The following EP300 variants were observed in gnomAD, a reference collection of about 807,000 sequenced individuals.
EP300 encodes the protein histone acetyltransferase p300.
EP300 carries 31 observed loss-of-function variants against 264.0 expected under a neutral mutation model. The ratio of observed to expected loss-of-function variants is 0.12; its 90% confidence interval spans 0.09 to 0.16. The LOEUF is 0.16. Among genes scored for constraint, EP300 ranks in the 10% least tolerant of loss-of-function variants. The probability of loss-of-function intolerance (pLI) is 1.00; values close to 1 mark genes in which losing one functional copy is unlikely to be tolerated. For missense variants in EP300, 2,766 were observed against 3,052.9 expected, an observed-to-expected ratio of 0.91 and a Z score of 2.21; for synonymous variants, 1,340 against 1,045.4, an observed-to-expected ratio of 1.28 and a Z score of -5.44.
At chr22:41,110,726 C>T (rs763296848) in intron 1 of EP300, among the ~76,000 whole-genome samples, 5 of 151,456 alleles carry the variant, frequency 3.3e-5, no homozygotes, top group Admixed American at 6.6e-5. Flanking sequence ...TATTTTTTCA[C>T]ACTTCCAGTG....
intron 16 of EP300, among the ~76,000 whole-genome samples, chr22:41,154,726 C>G (rs773866753): frequency 1.6e-4 from 25 of 152,080 alleles, no homozygotes; most frequent in Non-Finnish European, 2.9e-4. Flanking sequence ...CCGAGTCTGT[C>G]TTCACTGACT....
chr22:41,146,943 G>T, intron 11 of EP300, 127 bp downstream of exon 11: 1 of 831,560 alleles, frequency 1.2e-6, no homozygotes, highest in South Asian at 1.4e-5. Context: ...TAGAGGAAGA[G>T]GGGGTGAAGA....
At chr22:41,152,115 G>A (rs1190941662) in intron 15 of EP300, 91 bp from the exon 16 acceptor site, 2 of 1,584,660 alleles carry the variant, frequency 1.3e-6, no homozygotes, top group Non-Finnish European at 1.7e-6. Context: ...TAGATCTCAT[G>A]GCATAGATTT....
At chr22:41,144,930 C>G (rs1569857) in intron 10 of EP300, among the ~76,000 whole-genome samples, 40,738 of 151,986 alleles carry the variant, frequency 0.27, 6,485 homozygotes, top group East Asian at 0.55. Flanking sequence ...GCAGACTTGA[C>G]CCCCTTTCTC....
Position 41,092,715 on chromosome 22 carries a change from C to A in EP300, c.-290C>A, listed in dbSNP as rs1042311894. 3.4e-5 allele frequency: 21 copies of A among 614,562 alleles called. No homozygotes were observed. Among genetic ancestry groups the A allele is most frequent in the African/African-American group, 3.7e-5 (2 of 53,814 alleles). The allele number at this position is 614,562 out of a possible 1,614,324, so 38.1% of individuals were successfully genotyped here. ...GACTGCGCCTCTAGAGCCGCGAGTT[C>A]TCGGGAATTCGCCGCAGCGGACGCG... On this transcript the variant is annotated 5_prime_UTR_variant, in exon 1 of 31. Transcript: ENST00000263253.
intron 10 of EP300, among the ~76,000 whole-genome samples, chr22:41,144,356 T>TTA (rs1302367155): frequency 7.9e-5 from 12 of 152,194 alleles, no homozygotes; most frequent in South Asian, 4.1e-4. Context: ...CTCTAAATAT[T>TTA]TATATATATA....
chr22:41,172,224 C>G (rs1264552024), intron 27 of EP300, among the ~76,000 whole-genome samples: 2 of 152,178 alleles, frequency 1.3e-5, no homozygotes, highest in Non-Finnish European at 2.9e-5. Flanking sequence ...GACGTTGATC[C>G]TGGCAGGATA....
chr22:41,143,854 C>T (rs1487078648), intron 10 of EP300, among the ~76,000 whole-genome samples: 2 of 152,210 alleles, frequency 1.3e-5, no homozygotes, highest in Non-Finnish European at 2.9e-5. Flanking sequence ...GCTGGGATTA[C>T]AGGCTTGAGC....
At position 41,092,834 on chromosome 22, in the gene EP300, C is replaced by T. The variant is rs1324469420; in HGVS notation, c.-171C>T. On this transcript the variant is annotated 5_prime_UTR_variant, in exon 1 of 31. Coordinates refer to ENST00000263253, the MANE Select transcript of EP300 (RefSeq NM_001429.4). ...TTACCTTTTCTATCGAGTCCGCATCCCTCTCCAGCCACTGCGACCCGGCGA... is the reference window on the plus strand; with the variant it reads ...TTACCTTTTCTATCGAGTCCGCATCTCTCTCCAGCCACTGCGACCCGGCGA... 1.3e-5 allele frequency: 10 copies of T among 751,856 alleles called. No homozygotes were observed. Among genetic ancestry groups the T allele is most frequent in the East Asian group, 2.6e-5 (1 of 39,180 alleles). 46.6% of individuals were successfully genotyped at this position (751,856 alleles called of 1,614,324 possible). A position where few individuals can be genotyped will look rare whatever the true frequency, so the allele number is the denominator to read the frequency against.
chr22:41,141,725 G>A (rs1289173181), intron 10 of EP300, among the ~76,000 whole-genome samples: 1 of 149,950 alleles, frequency 6.7e-6, no homozygotes, highest in Admixed American at 6.7e-5. Flanking sequence ...CACCCAGGCT[G>A]GAGTACGGTG....
At position 41,117,515 on chromosome 22, in the gene EP300, T is replaced by C. The variant is rs774152008; in HGVS notation, c.423T>C (p.Ser141=). Residue 141 remains serine, a synonymous_variant, in exon 2 of 31, where the codon AGT becomes AGC. Coordinates refer to ENST00000263253, the MANE Select transcript of EP300 (RefSeq NM_001429.4). ...CTCCCAACATGGGGATGGGCACTAG[T>C]GGACCAAATCAGGGTCCTACGCAGT... The part of the protein sequence containing the change: ...LTSPNMGMGT[S]GPNQGPTQST... 6.2e-7 allele frequency: 1 copy of C among 1,613,964 alleles called. No homozygotes were observed. Among genetic ancestry groups the C allele is most frequent in the Non-Finnish European group, 8.5e-7 (1 of 1,179,800 alleles).
In EP300 at chr22:41,092,715, C is replaced by T. The variant is rs1042311894; in HGVS notation, c.-290C>T. On this transcript the variant is annotated 5_prime_UTR_variant, in exon 1 of 31. Coordinates refer to ENST00000263253, the MANE Select transcript of EP300 (RefSeq NM_001429.4). The stretch of plus-strand genomic sequence containing the variant: ...GACTGCGCCTCTAGAGCCGCGAGTT[C>T]TCGGGAATTCGCCGCAGCGGACGCG... 1.8e-5 allele frequency: 11 copies of T among 614,562 alleles called. No individual in the cohort carries two copies. Among genetic ancestry groups the T allele is most frequent in the Admixed American group, 9.1e-5 (3 of 33,072 alleles). 38.1% of individuals were successfully genotyped at this position (614,562 alleles called of 1,614,324 possible).
rs368368055 is a variant in EP300, at chr22:41,177,123, G to A, written c.5412G>A (p.Pro1804=). Residue 1804 remains proline, a synonymous_variant, in exon 31 of 31, where the codon CCG becomes CCA. Coordinates refer to ENST00000263253, the MANE Select transcript of EP300 (RefSeq NM_001429.4). ...KHCQENKCPV[P]FCLNIKQKLR... Reference sequence around the variant, plus strand: ...GCCAGGAGAACAAATGCCCGGTGCCGTTCTGCCTAAACATCAAGCAGAAGC... The same window carrying A: ...GCCAGGAGAACAAATGCCCGGTGCCATTCTGCCTAAACATCAAGCAGAAGC... 3.7e-5 allele frequency: 60 copies of A among 1,613,948 alleles called. 1 individual carries two copies. The highest frequency in any genetic ancestry group is 2.9e-4 in the East Asian group (13 of 44,886).
intron 17 of EP300, 78 bp downstream of exon 17, chr22:41,155,191 C>G: frequency 1.9e-6 from 2 of 1,067,498 alleles, no homozygotes; most frequent in Non-Finnish European, 2.9e-6. Context: ...ACATTCCAAA[C>G]AGTATAGCCA....
chr22:41,098,265 G>A (rs543541024), intron 1 of EP300, among the ~76,000 whole-genome samples: 14 of 152,226 alleles, frequency 9.2e-5, no homozygotes, highest in African/African-American at 2.9e-4. Context: ...TCCCAGAAGC[G>A]CTTAAGAGGA....
At position 41,140,059 on chromosome 22, in the gene EP300, A is replaced by G. The variant is rs965506258; in HGVS notation, c.1761-81A>G. 1.2e-4 allele frequency: 114 copies of G among 943,490 alleles called. No homozygotes were observed. The African/African-American group carries it at 1.6e-3, about 13-fold the overall frequency. 58.4% of individuals were successfully genotyped at this position (943,490 alleles called of 1,614,324 possible). ...TTGCCATTATTTTTTCTTTTCCTCT[A>G]TGTGTTCAGTGTATAAAAATCAGAA... On this transcript the variant is annotated intron_variant, in intron 8 of 30. Transcript: ENST00000263253.
At chr22:41,170,337 G>A (rs2145766151) in intron 26 of EP300, 69 bp from the exon 27 acceptor site, 1 of 1,457,400 alleles carries the variant, frequency 6.9e-7, no homozygotes, top group Non-Finnish European at 9.6e-7. Context: ...TCCAACTTGT[G>A]GTTTAAAATG....
At chr22:41,141,630 T>C (rs938634786) in intron 10 of EP300, among the ~76,000 whole-genome samples, 1 of 152,136 alleles carries the variant, frequency 6.6e-6, no homozygotes, top group Non-Finnish European at 1.5e-5. Context: ...TGTCACACTT[T>C]CTACTTGACA....
chr22:41,113,608 G>A (rs137892810), intron 1 of EP300, among the ~76,000 whole-genome samples: 1,703 of 152,126 alleles, frequency 0.011, 28 homozygotes, highest in African/African-American at 0.039. Context: ...GTGAAGTGGC[G>A]TGATCTCGGC....
Sources: allele counts gnomAD v4.1 joint callset (sites outside exome capture counted in the v4.1 genomes callset), GRCh38; gene constraint gnomAD v4.1.1; transcripts MANE v1.5; gene names NCBI Gene and HGNC (gene_info 2026-07-23, HGNC 2026-07-21).